Variants in GLI3 observed in about 807,000 individuals in gnomAD.
GLI3 encodes the protein GLI family zinc finger 3, also known as transcription activator GLI3.
In GLI3, 20 loss-of-function variants were observed where a neutral mutation model predicts 100.8. The ratio of observed to expected loss-of-function variants is 0.20; its 90% CI spans 0.14 to 0.29. The LOEUF (loss-of-function observed/expected upper bound fraction) is 0.29, where lower values mean the gene tolerates loss of function less well. Among genes scored for constraint, GLI3 ranks in the 10% least tolerant of loss-of-function variants. GLI3 has a pLI of 1.00. For synonymous variants in GLI3, 938 were observed against 860.5 expected, an observed-to-expected ratio of 1.09 and a Z score of -1.58; for missense variants, 2,040 against 2,128.5, an observed-to-expected ratio of 0.96 and a Z score of 0.82.
In GLI3 at chr7:42,056,069, G is replaced by A. The variant is rs192952598; in HGVS notation, c.474-7373C>T. On this transcript the variant is annotated intron_variant, in intron 4 of 14. Coordinates refer to ENST00000395925, the MANE Select transcript of GLI3 (RefSeq NM_000168.6). ...CCTCTTGTCTGCCACCATGTGAGAA[G>A]TGCCTTTCATCTTCCACCATGATTG... Among the ~76,000 whole-genome samples, 1,324 of 152,278 alleles carry A rather than the reference G, an allele frequency of 8.7e-3. 12 individuals carry two copies. Among genetic ancestry groups the A allele is most frequent in the Non-Finnish European group, 0.012 (839 of 68,034 alleles).
At chr7:42,247,065 AT>A (rs1788984343) in intron 1 of GLI3, among the ~76,000 whole-genome samples, 1 of 152,006 alleles carries the variant, frequency 6.6e-6, no homozygotes, top group Non-Finnish European at 1.5e-5. Flanking sequence ...CAGTTGTTTT[AT>A]GTTGCTTTGA....
At chr7:42,111,723 C>A (rs1785711921) in intron 3 of GLI3, among the ~76,000 whole-genome samples, 1 of 152,188 alleles carries the variant, frequency 6.6e-6, no homozygotes, top group African/African-American at 2.4e-5. Flanking sequence ...TTTCTACCAG[C>A]TAGCTCACCT....
chr7:42,151,276 C>T (rs75198398), intron 2 of GLI3: 35 of 152,232 alleles, frequency 2.3e-4, no homozygotes, highest in African/African-American at 7.7e-4. Context: ...CATATGAAAA[C>T]CTGACAGTAT....
At position 42,196,947 on chromosome 7, in the gene GLI3, G is replaced by A. The variant is rs1031898671; in HGVS notation, c.124+26183C>T. ...AGGACATGGACAGGGAATCGACAAT[G>A]TCGTGTATACATCATGTGCTTCATT... On this transcript the variant is annotated intron_variant, in intron 2 of 14. Coordinates refer to ENST00000395925, the MANE Select transcript of GLI3 (RefSeq NM_000168.6). 3.9e-5 allele frequency among the ~76,000 whole-genome samples: 6 copies of A among 152,346 alleles called. No individual in the cohort carries two copies. The East Asian group carries it at 1.2e-3, about 29-fold the overall frequency.
At chr7:42,079,143 A>C (rs1784945503) in intron 3 of GLI3, among the ~76,000 whole-genome samples, 1 of 152,194 alleles carries the variant, frequency 6.6e-6, no homozygotes, top group Non-Finnish European at 1.5e-5. Context: ...TGTAATGTAA[A>C]TATTGAAAGT....
In GLI3 at chr7:42,256,393, TC is replaced by T. The variant is rs1789085145; in HGVS notation, c.-43+7600del. Among the ~76,000 whole-genome samples, 2 of 152,134 alleles carry T rather than the reference TC, an allele frequency of 1.3e-5. 1 individual carries two copies. Among genetic ancestry groups the T allele is most frequent in the South Asian group, 4.1e-4 (2 of 4,824 alleles). ...ATTGAAAATTTCTCCCTTCACTTTT[TC>T]CAGAAGTTCTATATTTTTAGCTCTT... is the stretch of plus-strand genomic sequence containing the variant. On this transcript the variant is annotated intron_variant, in intron 1 of 2. Transcript: ENST00000678978.
In GLI3 at chr7:42,083,713, A is replaced by G. The variant is rs1308192437; in HGVS notation, c.368-6856T>C. 2.0e-5 allele frequency among the ~76,000 whole-genome samples: 3 copies of G among 152,252 alleles called. No homozygotes were observed. In the East Asian group the frequency reaches 5.8e-4, roughly 29 times the overall value. ...TTTTATTTATTGTGTTGTCTAAGCGATAACACTAAGTACATCAAGTATTTT... is the reference window on the plus strand; with the variant it reads ...TTTTATTTATTGTGTTGTCTAAGCGGTAACACTAAGTACATCAAGTATTTT... On this transcript the variant is annotated intron_variant, in intron 3 of 14. Coordinates refer to ENST00000395925, the MANE Select transcript of GLI3 (RefSeq NM_000168.6).
chr7:42,207,563 A>G (rs1788180592), intron 2 of GLI3, among the ~76,000 whole-genome samples: 1 of 152,214 alleles, frequency 6.6e-6, no homozygotes, highest in African/African-American at 2.4e-5. Context: ...AGATGTAGTC[A>G]AAGCACACAG....
intron 4 of GLI3, among the ~76,000 whole-genome samples, chr7:42,057,898 G>A (rs1289916128): frequency 6.6e-6 from 1 of 152,082 alleles, no homozygotes; most frequent in Non-Finnish European, 1.5e-5. Context: ...CGAGGGGTCA[G>A]CGGAGGGGAA....
intron 4 of GLI3, among the ~76,000 whole-genome samples, chr7:42,070,722 A>G (rs1365714265): frequency 1.3e-5 from 2 of 152,182 alleles, no homozygotes; most frequent in African/African-American, 2.4e-5. Context: ...CATCTGAATT[A>G]TCTATTCATC....
chr7:42,010,349 T>A (rs1788578697), intron 10 of GLI3, among the ~76,000 whole-genome samples: 1 of 152,158 alleles, frequency 6.6e-6, no homozygotes, highest in Non-Finnish European at 1.5e-5. Context: ...CACTGGGAGC[T>A]TGGAGGTTCA....
intron 10 of GLI3, among the ~76,000 whole-genome samples, chr7:41,995,742 T>A (rs1333680476): frequency 6.6e-6 from 1 of 151,524 alleles, no homozygotes; most frequent in Non-Finnish European, 1.5e-5. Context: ...TTAAAATAAA[T>A]GAGATGAAGA....
chr7:41,971,264 T>C (rs566372807), intron 13 of GLI3, among the ~76,000 whole-genome samples: 226 of 152,346 alleles, frequency 1.5e-3, no homozygotes, highest in African/African-American at 5.3e-3. Context: ...GCTTTAAGTA[T>C]AAATCTGTTT....
intron 6 of GLI3, among the ~76,000 whole-genome samples, chr7:42,041,604 G>A (rs1380881456): frequency 3.3e-5 from 5 of 151,912 alleles, no homozygotes; most frequent in Admixed American, 6.6e-5. Context: ...GCAATTTTGC[G>A]GTACCCAGAA....
intron 2 of GLI3, among the ~76,000 whole-genome samples, chr7:42,213,099 G>C (rs763566368): frequency 1.3e-4 from 20 of 152,336 alleles, no homozygotes; most frequent in Middle Eastern, 6.8e-3. Context: ...TGTGGGGAGG[G>C]AAAGAATCTG....
At chr7:42,251,774 T>C (rs1345674184) in intron 1 of GLI3, among the ~76,000 whole-genome samples, 7 of 152,136 alleles carry the variant, frequency 4.6e-5, no homozygotes, top group African/African-American at 1.4e-4. Context: ...CAGCCAATAA[T>C]TGGCAAAACT....
At position 41,965,859 on chromosome 7, in the gene GLI3, T is replaced by C. The variant is rs1787155789; in HGVS notation, c.3214A>G (p.Asn1072Asp). Residue 1072 changes from asparagine (N) to aspartate (D), a missense_variant, in exon 15 of 15, where the codon AAC (asparagine) becomes GAC (aspartate). Physicochemically the swap from Asn to Asp is conservative, Grantham distance 23. This residue lies in a region of GLI3 where 1,041 missense variants were observed against 924.0 expected (regional missense o/e 1.13). Coordinates refer to ENST00000395925, the MANE Select transcript of GLI3 (RefSeq NM_000168.6). ...ATGGTCAGGGACTCCAGGGTGACGT[T>C]CTCGGTGATGCTGGGAGGACAGGGG... ...SSPCPPSITE[N>D]VTLESLTMDA... 1.9e-6 allele frequency: 3 copies of C among 1,613,506 alleles called. No individual in the cohort carries two copies. Among genetic ancestry groups the C allele is most frequent in the Admixed American group, 1.7e-5 (1 of 59,986 alleles).
intron 1 of GLI3, among the ~76,000 whole-genome samples, chr7:42,230,192 G>A (rs1272978616): frequency 6.7e-6 from 1 of 148,616 alleles, no homozygotes; most frequent in African/African-American, 2.5e-5. Context: ...TATTTTACCT[G>A]TATATATGAT....
At chr7:42,188,120 T>G (rs1321101505) in intron 2 of GLI3, among the ~76,000 whole-genome samples, 2 of 151,208 alleles carry the variant, frequency 1.3e-5, no homozygotes, top group East Asian at 3.9e-4. Context: ...ATAGCAAGGA[T>G]GGCCAGTGGC....
Sources: gnomAD v4.1 joint callset for allele counts (sites outside exome capture counted in the v4.1 genomes callset) on GRCh38, gnomAD v4.1.1 for gene constraint, gnomAD v4.1.1 regional missense constraint, MANE v1.5 for transcripts, NCBI Gene and HGNC (gene_info 2026-07-23, HGNC 2026-07-21) for gene names.